The following DNAAF9 variants were observed in gnomAD, a reference collection of about 807,000 sequenced individuals.
DNAAF9 encodes the protein shulin.
In DNAAF9, 90 loss-of-function variants were observed where a neutral mutation model predicts 167.0. The observed-to-expected ratio is 0.54, with a 90% CI of 0.45 to 0.64. DNAAF9 has a LOEUF of 0.64. Among genes scored for constraint, DNAAF9 ranks in the 30% least tolerant of loss-of-function variants. The probability of loss-of-function intolerance (pLI) is 0.00; values close to 1 mark genes in which losing one functional copy is unlikely to be tolerated. For missense variants in DNAAF9, 1,315 were observed against 1,442.2 expected, an observed-to-expected ratio of 0.91 and a Z score of 1.43; for synonymous variants, 491 against 508.8, an observed-to-expected ratio of 0.96 and a Z score of 0.47.
chr20:3,280,578 A>C (rs1413369445), intron 28 of DNAAF9, among the ~76,000 whole-genome samples: 1 of 151,892 alleles, frequency 6.6e-6, no homozygotes, highest in Non-Finnish European at 1.5e-5. Context: ...AGAAAAAAAA[A>C]AAAATTTAAA....
chr20:3,303,279 C>T (rs931761059), intron 21 of DNAAF9, among the ~76,000 whole-genome samples: 1 of 151,472 alleles, frequency 6.6e-6, no homozygotes, highest in Non-Finnish European at 1.5e-5. Flanking sequence ...TCAAATTTGA[C>T]AAACTTTTCC....
intron 27 of DNAAF9, among the ~76,000 whole-genome samples, chr20:3,282,182 G>A (rs1015547638): frequency 3.3e-5 from 5 of 152,060 alleles, no homozygotes; most frequent in African/African-American, 7.2e-5. Flanking sequence ...GAGTGCGTCC[G>A]GACCCATCCA....
chr20:3,252,548 A>C lies in DNAAF9; in HGVS notation c.*24T>G. Reference sequence around the variant, plus strand: ...TCCATCTCCAAGGTGGACATTCTGCAGGACGTACGGGCCCAGCCTTCCTCT... The same window carrying C: ...TCCATCTCCAAGGTGGACATTCTGCCGGACGTACGGGCCCAGCCTTCCTCT... On this transcript the variant is annotated 3_prime_UTR_variant, in exon 37 of 37. Coordinates refer to ENST00000252032, the MANE Select transcript of DNAAF9 (RefSeq NM_001009984.3). 8.0e-7 allele frequency: 1 copy of C among 1,251,532 alleles called. No homozygotes were observed. The highest frequency in any genetic ancestry group is 1.2e-6 in the Non-Finnish European group (1 of 848,748). 77.5% of individuals were successfully genotyped at this position (1,251,532 alleles called of 1,614,324 possible).
chr20:3,348,488 C>A, intron 8 of DNAAF9, 37 bp downstream of exon 8: 3 of 1,016,008 alleles, frequency 3.0e-6, no homozygotes, highest in South Asian at 1.7e-5. Flanking sequence ...ATAAATTAAC[C>A]ATTTTATTCT....
At chr20:3,352,079 GAA>G (rs1295705704) in intron 7 of DNAAF9, among the ~76,000 whole-genome samples, 1 of 152,084 alleles carries the variant, frequency 6.6e-6, no homozygotes, top group East Asian at 1.9e-4. Context: ...TTTTAATAAT[GAA>G]AAGTCTTTAA....
rs748915583 is a variant in DNAAF9 at position 3,348,642 on chromosome 20, AGAT to A, written c.691-22_691-20del. On this transcript the variant is annotated intron_variant, in intron 7 of 36. Coordinates refer to ENST00000252032, the MANE Select transcript of DNAAF9 (RefSeq NM_001009984.3). Reference sequence around the variant, plus strand: ...CCAAATCCTGGGAAAAAAAGGAAAAAGATAACGTGTTTGGTCATATAAAGGAGG... The same window carrying A: ...CCAAATCCTGGGAAAAAAAGGAAAAAAACGTGTTTGGTCATATAAAGGAGG... The A allele has an allele frequency of 1.3e-6, 2 of 1,512,516 alleles. No homozygotes were observed. The highest frequency in any genetic ancestry group is 1.8e-6 in the Non-Finnish European group (2 of 1,101,114). The allele number at this position is 1,512,516 out of a possible 1,614,324, so 93.7% of individuals were successfully genotyped here. A position where few individuals can be genotyped will look rare whatever the true frequency, so the allele number is the denominator to read the frequency against.
intron 12 of DNAAF9, among the ~76,000 whole-genome samples, chr20:3,330,035 T>A (rs1406902700): frequency 6.6e-6 from 1 of 152,210 alleles, no homozygotes; most frequent in Non-Finnish European, 1.5e-5. Flanking sequence ...GATGGTTTAT[T>A]CTTAGAAAAG....
intron 12 of DNAAF9, among the ~76,000 whole-genome samples, chr20:3,326,914 A>G (rs2069721633): frequency 6.6e-6 from 1 of 152,012 alleles, no homozygotes; most frequent in African/African-American, 2.4e-5. Context: ...CTCTATGTGC[A>G]GGAACAGCTA....
At chr20:3,389,215 G>A (rs910757573) in intron 1 of DNAAF9, among the ~76,000 whole-genome samples, 2 of 151,860 alleles carry the variant, frequency 1.3e-5, no homozygotes, top group Non-Finnish European at 2.9e-5. Flanking sequence ...GCTTGATCAC[G>A]ACTCACTGCA....
intron 25 of DNAAF9, among the ~76,000 whole-genome samples, chr20:3,292,711 A>G (rs2068982744): frequency 6.6e-6 from 1 of 150,940 alleles, no homozygotes; most frequent in Non-Finnish European, 1.5e-5. Context: ...GGTTGCAGTG[A>G]GCCGAGATCG....
At chr20:3,356,556 T>G (rs769992449) in intron 7 of DNAAF9, among the ~76,000 whole-genome samples, 1 of 152,280 alleles carries the variant, frequency 6.6e-6, no homozygotes, top group Non-Finnish European at 1.5e-5. Flanking sequence ...TCCTTGTACC[T>G]ATCATTGCCC....
Position 3,407,540 on chromosome 20 carries a change from C to G in DNAAF9, c.18G>C (p.Pro6=). ...GAGCGCGGGGCAGCCCCTGCCGGCG[C>G]GGGGGGTACACGTCCATGGCGGCGG... MDVYP[P]RRQGLPRARS... The change falls in exon 1 of 37, where the codon CCG becomes CCC. Residue 6 remains proline, a synonymous_variant. Coordinates refer to ENST00000252032, the MANE Select transcript of DNAAF9 (RefSeq NM_001009984.3). 1 of 1,257,120 alleles carries G rather than the reference C, an allele frequency of 8.0e-7. No homozygotes were observed. The allele number at this position is 1,257,120 out of a possible 1,614,324, so 77.9% of individuals were successfully genotyped here.
chr20:3,385,949 C>T (rs922526026), intron 1 of DNAAF9, among the ~76,000 whole-genome samples: 8 of 152,036 alleles, frequency 5.3e-5, no homozygotes, highest in Admixed American at 5.2e-4. Context: ...TTAACACATC[C>T]CTATGAAAAT....
chr20:3,296,938 G>C lies in DNAAF9; in HGVS notation c.1941C>G (p.Leu647=), dbSNP rs146193263. Residue 647 remains leucine (L), a synonymous_variant, in exon 23 of 37, where the codon CTC becomes CTG. Transcript: ENST00000252032. ...TCCCTGAGTTATCCTGCTGTTTCCA[G>C]AGGGAGAAGACCTAAACAAAACAGA... ...YQAFYSEVFS[L]WKQQDNSGIS... is the part of the protein sequence containing the mutation. 153 of 1,603,556 alleles carry C rather than the reference G, an allele frequency of 9.5e-5. No individual in the cohort carries two copies. In the African/African-American group the frequency reaches 1.9e-3, roughly 20 times the overall value.
rs1271261913 is a variant in DNAAF9, at chr20:3,344,410, A to G, written c.790-679T>C. On this transcript the variant is annotated intron_variant, in intron 8 of 36. Transcript: ENST00000252032. ...TAATATATGTTCATTGTAGAAGACAATAAAAACCACCTATAATGTCTAAAA... is the reference window on the plus strand; with the variant it reads ...TAATATATGTTCATTGTAGAAGACAGTAAAAACCACCTATAATGTCTAAAA... 3.3e-5 allele frequency among the ~76,000 whole-genome samples: 5 copies of G among 152,320 alleles called. No individual in the cohort carries two copies. The East Asian group carries it at 7.7e-4, about 24-fold the overall frequency.
Position 3,333,799 on chromosome 20 carries a change from C to T in DNAAF9, c.982-1438G>A, listed in dbSNP as rs112116376. On this transcript the variant is annotated intron_variant, in intron 10 of 36. Coordinates refer to ENST00000252032, the MANE Select transcript of DNAAF9 (RefSeq NM_001009984.3). ...TCTTTCACTTGTGTACACTTGAGTA[C>T]GTGAATCTGAAGTCTATCTCAGTCA... Among the ~76,000 whole-genome samples, 1,005 of 152,184 alleles carry T rather than the reference C, an allele frequency of 6.6e-3. 6 individuals are homozygous for T. The highest frequency in any genetic ancestry group is 0.021 in the African/African-American group (890 of 41,512).
At chr20:3,293,291 T>G in intron 25 of DNAAF9, among the ~76,000 whole-genome samples, 1 of 8,542 alleles carries the variant, frequency 1.2e-4, no homozygotes, top group Non-Finnish European at 1.7e-4. Context: ...AGACTCCGTC[T>G]CAAAAAAAAA....
chr20:3,389,204 T>C (rs2083791493), intron 1 of DNAAF9, among the ~76,000 whole-genome samples: 1 of 152,054 alleles, frequency 6.6e-6, no homozygotes, highest in Admixed American at 6.6e-5. Flanking sequence ...GGAGTGCAGT[T>C]GCTTGATCAC....
At chr20:3,287,572 A>G in intron 27 of DNAAF9, 60 bp downstream of exon 27, 1 of 1,521,284 alleles carries the variant, frequency 6.6e-7, no homozygotes, top group South Asian at 1.1e-5. Flanking sequence ...ACATAAAATA[A>G]GAGTAATGGC....
Sources: allele counts gnomAD v4.1 joint callset (sites outside exome capture counted in the v4.1 genomes callset), GRCh38; gene constraint gnomAD v4.1.1; transcripts MANE v1.5; gene names NCBI Gene and HGNC (gene_info 2026-07-23, HGNC 2026-07-21).